Variants in GABBR2 observed in about 807,000 individuals in gnomAD.
GABBR2 encodes the protein gamma-aminobutyric acid type B receptor subunit 2.
In GABBR2, 23 loss-of-function variants were observed where a neutral mutation model predicts 105.6. That is an observed-to-expected ratio of 0.22 (90% CI 0.16 to 0.31). The LOEUF is 0.31. GABBR2 is among the 10% of genes least tolerant of loss of function. GABBR2 has a pLI of 1.00. For synonymous variants in GABBR2, 478 were observed against 499.7 expected (o/e 0.96, Z 0.58); for missense variants, 734 against 1,245.5 (o/e 0.59, Z 6.18).
chr9:98,617,230 G>T (rs989506011), intron 1 of GABBR2, among the ~76,000 whole-genome samples: 2 of 152,206 alleles, frequency 1.3e-5, no homozygotes, highest in African/African-American at 4.8e-5. Flanking sequence ...TGCACTGGGT[G>T]CCGGCTCTGG....
intron 13 of GABBR2, among the ~76,000 whole-genome samples, chr9:98,324,331 G>A (rs1390192202): frequency 6.6e-6 from 1 of 152,154 alleles, no homozygotes; most frequent in East Asian, 1.9e-4. Context: ...CTGGTGTAAC[G>A]GACAGCCATG....
At chr9:98,413,228 C>T (rs1207360186) in intron 7 of GABBR2, among the ~76,000 whole-genome samples, 1 of 152,140 alleles carries the variant, frequency 6.6e-6, no homozygotes, top group Non-Finnish European at 1.5e-5. Context: ...TGCCAGCCCT[C>T]CTCCCAGGAC....
intron 3 of GABBR2, among the ~76,000 whole-genome samples, chr9:98,514,522 C>T (rs1414785385): frequency 6.6e-6 from 1 of 150,556 alleles, no homozygotes; most frequent in Non-Finnish European, 1.5e-5. Flanking sequence ...ATCTGGAAAC[C>T]ACCATTCTCA....
chr9:98,632,327 T>C lies in GABBR2; in HGVS notation c.322-54255A>G, dbSNP rs146850050. Among the ~76,000 whole-genome samples the C allele has an allele frequency of 8.7e-3, 1,331 of 152,324 alleles. 12 individuals are homozygous for C. Among genetic ancestry groups the C allele is most frequent in the Middle Eastern group, 0.048 (14 of 294 alleles). On this transcript the variant is annotated intron_variant, in intron 1 of 18. Transcript: ENST00000259455. ...CCAGGTAGTTGTGAAGAAGTAGAGA[T>C]AATGTATGTAAAATGTCTGGCCCAA...
At chr9:98,340,924 G>C (rs1319490075) in intron 13 of GABBR2, among the ~76,000 whole-genome samples, 1 of 152,244 alleles carries the variant, frequency 6.6e-6, no homozygotes, top group Non-Finnish European at 1.5e-5. Flanking sequence ...AAGAAGCCAG[G>C]ATGTCACACA....
At chr9:98,605,079 G>A (rs567069798) in intron 1 of GABBR2, among the ~76,000 whole-genome samples, 7 of 152,362 alleles carry the variant, frequency 4.6e-5, no homozygotes, top group Admixed American at 6.5e-5. Context: ...GACAAGATAC[G>A]TACATGGCAA....
At chr9:98,292,775 T>C (rs1830321376) in intron 18 of GABBR2, among the ~76,000 whole-genome samples, 1 of 152,264 alleles carries the variant, frequency 6.6e-6, no homozygotes, top group Admixed American at 6.5e-5. Context: ...CATTCTTCTG[T>C]CTGTTAGGAT....
Position 98,437,866 on chromosome 9 carries a change from C to T in GABBR2, c.1236+16115G>A, listed in dbSNP as rs117001268. On this transcript the variant is annotated intron_variant, in intron 7 of 18. Coordinates refer to ENST00000259455, the MANE Select transcript of GABBR2 (RefSeq NM_005458.8). ...CTGTCCACACATCTATCCATCCATCCGTCCATCTATCTATGCACCTATCCA... is the reference window on the plus strand; with the variant it reads ...CTGTCCACACATCTATCCATCCATCTGTCCATCTATCTATGCACCTATCCA... 1.1e-4 allele frequency among the ~76,000 whole-genome samples: 17 copies of T among 151,842 alleles called. No individual in the cohort carries two copies. The East Asian group carries it at 1.6e-3, about 14-fold the overall frequency.
chr9:98,312,815 T>C (rs1014140557), intron 13 of GABBR2, among the ~76,000 whole-genome samples: 7 of 152,208 alleles, frequency 4.6e-5, no homozygotes, highest in African/African-American at 1.7e-4. Flanking sequence ...AATGTCGTGA[T>C]CTCCGCTCAC....
chr9:98,362,920 A>C, intron 12 of GABBR2, 83 bp from the exon 13 acceptor site: 1 of 1,231,528 alleles, frequency 8.1e-7, no homozygotes, highest in Non-Finnish European at 1.1e-6. Context: ...TCATAGGGGG[A>C]ACCTGCATCA....
At chr9:98,607,179 T>G in intron 1 of GABBR2, 4 of 1,608,068 alleles carry the variant, frequency 2.5e-6, no homozygotes, top group East Asian at 2.2e-5. Context: ...ACCCCAGGAT[T>G]TGGAGATGCA....
chr9:98,525,829 TA>T (rs1280246597), intron 3 of GABBR2, among the ~76,000 whole-genome samples: 1 of 152,172 alleles, frequency 6.6e-6, no homozygotes, highest in East Asian at 1.9e-4. Flanking sequence ...TATTTGTCCA[TA>T]AAAAAGAAAG....
chr9:98,594,252 T>G (rs1011473270), intron 1 of GABBR2, among the ~76,000 whole-genome samples: 5 of 152,158 alleles, frequency 3.3e-5, no homozygotes, highest in African/African-American at 1.2e-4. Flanking sequence ...ACCTTCCCAG[T>G]GTCTAGCCCC....
intron 6 of GABBR2, among the ~76,000 whole-genome samples, chr9:98,464,352 G>C (rs1826497258): frequency 6.7e-6 from 1 of 149,288 alleles, no homozygotes; most frequent in African/African-American, 2.5e-5. Flanking sequence ...GAGCGCCTCT[G>C]CCTGGCCGCC....
At chr9:98,630,402 T>C (rs550013544) in intron 1 of GABBR2, among the ~76,000 whole-genome samples, 24 of 152,312 alleles carry the variant, frequency 1.6e-4, no homozygotes, top group African/African-American at 5.5e-4. Flanking sequence ...GTACTTAATG[T>C]CATGATCTTG....
chr9:98,568,414 C>T (rs1828780656), intron 2 of GABBR2, among the ~76,000 whole-genome samples: 3 of 152,238 alleles, frequency 2.0e-5, no homozygotes, highest in East Asian at 1.9e-4. Flanking sequence ...GAGCCAGCAA[C>T]TCACTTGCCA....
chr9:98,311,783 A>G (rs572567509), intron 13 of GABBR2, among the ~76,000 whole-genome samples: 7 of 152,256 alleles, frequency 4.6e-5, no homozygotes, highest in Non-Finnish European at 8.8e-5. Flanking sequence ...TGGGCACCTG[A>G]CCCCAGGCAG....
At chr9:98,546,811 T>G (rs115627983) in intron 2 of GABBR2, among the ~76,000 whole-genome samples, 1,866 of 58,296 alleles carry the variant, frequency 0.032, 348 homozygotes, top group African/African-American at 0.069. Context: ...TTTGTTTCCT[T>G]TTGTTCCCGC....
Position 98,500,898 on chromosome 9 carries a change from C to G in GABBR2, c.631-4384G>C, listed in dbSNP as rs117977039. On this transcript the variant is annotated intron_variant, in intron 3 of 18. Coordinates refer to ENST00000259455, the MANE Select transcript of GABBR2 (RefSeq NM_005458.8). Reference sequence around the variant, plus strand: ...CTACCCAGAACTACTGAATCAGACACTCCAGGGTGGGGTCCAGCACCCTGT... The same window carrying G: ...CTACCCAGAACTACTGAATCAGACAGTCCAGGGTGGGGTCCAGCACCCTGT... Among the ~76,000 whole-genome samples the G allele has an allele frequency of 1.2e-4, 18 of 152,208 alleles. 1 individual carries two copies. In the South Asian group the frequency reaches 3.5e-3, roughly 30 times the overall value.
Sources: allele counts gnomAD v4.1 joint callset (sites outside exome capture counted in the v4.1 genomes callset), GRCh38; gene constraint gnomAD v4.1.1; transcripts MANE v1.5; gene names NCBI Gene and HGNC (gene_info 2026-07-23, HGNC 2026-07-21).